Variants in RPS6 observed in about 807,000 individuals in gnomAD.
The protein encoded by RPS6 is ribosomal protein S6.
Under a neutral mutation model 27.1 loss-of-function variants are expected in RPS6, and 1 was observed. The ratio of observed to expected loss-of-function variants is 0.04; its 90% CI spans 0.01 to 0.18. The LOEUF is 0.18. RPS6 is among the 10% of genes least tolerant of loss of function. RPS6 has a pLI of 1.00. For missense variants in RPS6, 259 were observed against 319.1 expected (o/e 0.81, Z 1.44); for synonymous variants, 152 against 106.0 (o/e 1.43, Z -2.66).
Position 19,379,573 on chromosome 9 carries a change from C to T in RPS6, c.52G>A (p.Val18Met). 6.2e-7 allele frequency: 1 copy of T among 1,614,192 alleles called. No homozygotes were observed. Among genetic ancestry groups the T allele is most frequent in the East Asian group, 2.2e-5 (1 of 44,886 alleles). ...PATGCQKLIE[V>M]DDERKLRTFY... ...GTACGAAGTTTGCGTTCATCGTCCA[C>T]TTCAATGAGTTTCTGGCAGCCAGTG... Residue 18 changes from valine to methionine, a missense_variant, in exon 2 of 6, where the codon GTG becomes ATG. Transcript: ENST00000380394.
rs533298373 is a variant in RPS6, at chr9:19,375,782, T to G, written c.*511A>C. 18 of 152,744 alleles carry G rather than the reference T, an allele frequency of 1.2e-4. No individual in the cohort carries two copies. Among genetic ancestry groups the G allele is most frequent in the African/African-American group, 4.3e-4 (18 of 41,582 alleles). The allele number at this position is 152,744 out of a possible 1,614,324, so 9.5% of individuals were successfully genotyped here. ...GTGTGTGAACAGCCTAACAATTCAC[T>G]GGAGTTGAAAAGCTTTGTTAAAACA... On this transcript the variant is annotated 3_prime_UTR_variant, in exon 6 of 6. Coordinates refer to ENST00000380394, the MANE Select transcript of RPS6 (RefSeq NM_001010.3).
rs986828411 is a variant in RPS6, at chr9:19,375,925, ATTTTCATGTATTAAATTG to A, written c.*350_*367del. The A allele has an allele frequency of 8.9e-5, 14 of 157,086 alleles. No individual in the cohort carries two copies. Among genetic ancestry groups the A allele is most frequent in the East Asian group, 7.5e-4 (4 of 5,368 alleles). 9.7% of individuals were successfully genotyped at this position (157,086 alleles called of 1,614,324 possible). A position where few individuals can be genotyped will look rare whatever the true frequency, so the allele number is the denominator to read the frequency against. ...AGACATGTTCATCTTCACAAGGTCAATTTTCATGTATTAAATTGTGTATAGTGCTTTAAAGAGCTATAT... is the reference window on the plus strand; with the variant it reads ...AGACATGTTCATCTTCACAAGGTCAATGTATAGTGCTTTAAAGAGCTATAT... On this transcript the variant is annotated 3_prime_UTR_variant, in exon 6 of 6. Coordinates refer to ENST00000380394, the MANE Select transcript of RPS6 (RefSeq NM_001010.3).
chr9:19,379,814 C>A, intron 1 of RPS6, 196 bp from the exon 2 acceptor site: 1 of 1,430,288 alleles, frequency 7.0e-7, no homozygotes, highest in Non-Finnish European at 9.1e-7. Flanking sequence ...CTCAGCAGGA[C>A]GTTTTCCCCT....
intron 2 of RPS6, chr9:19,379,232 C>A: frequency 7.6e-7 from 1 of 1,310,600 alleles, no homozygotes. Context: ...ATTATGAGGA[C>A]AGCTATGTGA....
In RPS6 at chr9:19,378,440, G is replaced by T. The variant is rs368574272; in HGVS notation, c.424C>A (p.Arg142Ser). 1 of 1,613,866 alleles carries T rather than the reference G, an allele frequency of 6.2e-7. No individual in the cohort carries two copies. Among genetic ancestry groups the T allele is most frequent in the African/African-American group, 1.3e-5 (1 of 74,892 alleles). The change falls in exon 4 of 6, where the codon CGC becomes AGC. Residue 142 changes from arginine to serine, a missense_variant. This residue lies in a region of RPS6 where 191 missense variants were observed against 231.6 expected (regional missense o/e 0.82). Coordinates refer to ENST00000380394, the MANE Select transcript of RPS6 (RefSeq NM_001010.3). ...RLGPKRASRI[R>S]KLFNLSKEDD... ...TCTTTAGAGAGATTGAAAAGTTTGC[G>T]GATTCTGCTAGCTCTTTTGGGGCCC...
At chr9:19,380,023 C>G in intron 1 of RPS6, 167 bp downstream of exon 1, 1 of 1,523,758 alleles carries the variant, frequency 6.6e-7, no homozygotes, top group Admixed American at 2.2e-5. Context: ...GCCTGCCATC[C>G]GTTCGGCCAA....
chr9:19,380,183 C>A lies in RPS6; in HGVS notation c.6+7G>T. ...AACCCAGTCTAACACTCGCCACCAT[C>A]ACCTACCTTCATCTTGAAGCAGCTG... On this transcript the variant is annotated splice_region_variant and intron_variant, in intron 1 of 5. Transcript: ENST00000380394. 1.2e-6 allele frequency: 2 copies of A among 1,614,164 alleles called. No homozygotes were observed. Among genetic ancestry groups the A allele is most frequent in the Non-Finnish European group, 1.7e-6 (2 of 1,180,022 alleles).
At chr9:19,378,598 T>A (rs916943086) in intron 3 of RPS6, 84 bp from the exon 4 acceptor site, 7 of 1,577,432 alleles carry the variant, frequency 4.4e-6, no homozygotes, top group Non-Finnish European at 6.1e-6. Flanking sequence ...GAATTGATGG[T>A]AGAGAAACAA....
intron 2 of RPS6, 72 bp from the exon 3 acceptor site, chr9:19,378,990 T>A: frequency 7.2e-7 from 1 of 1,395,038 alleles, no homozygotes. Context: ...GATTGTGACC[T>A]CTGTGAACAC....
chr9:19,379,735 G>T, intron 1 of RPS6, 117 bp from the exon 2 acceptor site: 1 of 1,506,554 alleles, frequency 6.6e-7, no homozygotes, highest in Non-Finnish European at 8.8e-7. Context: ...ACACAAGCAG[G>T]AAATATAAGA....
chr9:19,379,341 C>T (rs1219688572), intron 2 of RPS6, 146 bp downstream of exon 2: 15 of 1,541,606 alleles, frequency 9.7e-6, no homozygotes, highest in East Asian at 2.4e-5. Flanking sequence ...AAGGTAATAC[C>T]TCTAACTTTA....
At position 19,376,080 on chromosome 9, in the gene RPS6, C is replaced by T. The variant is rs1829577634; in HGVS notation, c.*213G>A. The T allele has an allele frequency of 2.1e-6, 1 of 465,132 alleles. No individual in the cohort carries two copies. The highest frequency in any genetic ancestry group is 3.8e-6 in the Non-Finnish European group (1 of 262,832). 28.8% of individuals were successfully genotyped at this position (465,132 alleles called of 1,614,324 possible). ...ATGCTCAGAATCCCTTCCTGTGCCACCCATCCCCTGAAAGGAACCCCTGTA... is the reference window on the plus strand; with the variant it reads ...ATGCTCAGAATCCCTTCCTGTGCCATCCATCCCCTGAAAGGAACCCCTGTA... On this transcript the variant is annotated 3_prime_UTR_variant, in exon 6 of 6. Coordinates refer to ENST00000380394, the MANE Select transcript of RPS6 (RefSeq NM_001010.3).
At position 19,380,221 on chromosome 9, in the gene RPS6, G is replaced by C. The variant is rs144218100; in HGVS notation, c.-26C>G. 1.9e-6 allele frequency: 3 copies of C among 1,613,070 alleles called. No individual in the cohort carries two copies. Among genetic ancestry groups the C allele is most frequent in the Non-Finnish European group, 2.5e-6 (3 of 1,179,164 alleles). ...CTTGAAGCAGCTGAACGCCTCCGAGGCGCCACGGAAAAGAGGGCCAACTTC... is the reference window on the plus strand; with the variant it reads ...CTTGAAGCAGCTGAACGCCTCCGAGCCGCCACGGAAAAGAGGGCCAACTTC... On this transcript the variant is annotated 5_prime_UTR_variant, in exon 1 of 6. Coordinates refer to ENST00000380394, the MANE Select transcript of RPS6 (RefSeq NM_001010.3).
At chr9:19,379,980 C>T in intron 1 of RPS6, 1 of 1,449,308 alleles carries the variant, frequency 6.9e-7, no homozygotes, top group East Asian at 2.5e-5. Flanking sequence ...GCCACCATGG[C>T]GCTCCCGGCC....
chr9:19,376,277 T>C lies in RPS6; in HGVS notation c.*16A>G. 3.1e-6 allele frequency: 5 copies of C among 1,593,540 alleles called. No homozygotes were observed. Among genetic ancestry groups the C allele is most frequent in the Non-Finnish European group, 4.3e-6 (5 of 1,165,816 alleles). The stretch of plus-strand genomic sequence containing the variant: ...AGATCAGAGTCTGATCTTATTTATT[T>C]GTTACTCAAAAAATCTTATTTCTGA... On this transcript the variant is annotated 3_prime_UTR_variant, in exon 6 of 6. Coordinates refer to ENST00000380394, the MANE Select transcript of RPS6 (RefSeq NM_001010.3).
At chr9:19,378,316 G>C (rs770838598) in intron 4 of RPS6, 52 bp downstream of exon 4, 2 of 1,568,002 alleles carry the variant, frequency 1.3e-6, no homozygotes, top group Non-Finnish European at 1.8e-6. Flanking sequence ...CACACAAAAT[G>C]ATAGACAAAT....
chr9:19,378,131 T>A (rs924311834), intron 4 of RPS6, among the ~76,000 whole-genome samples: 1 of 152,210 alleles, frequency 6.6e-6, no homozygotes, highest in African/African-American at 2.4e-5. Context: ...AATGTATACA[T>A]CAAAGATTCA....
intron 4 of RPS6, 138 bp downstream of exon 4, chr9:19,378,230 C>A (rs1008729808): frequency 6.2e-6 from 5 of 801,166 alleles, no homozygotes; most frequent in Admixed American, 2.8e-5. Context: ...GCTGGCCACC[C>A]CCAAATATTT....
Position 19,376,260 on chromosome 9 carries a change from G to C in RPS6, c.*33C>G, listed in dbSNP as rs67906804. The C allele has an allele frequency of 0.099, 150,273 of 1,515,784 alleles. 9,701 individuals are homozygous for C. The highest frequency in any genetic ancestry group is 0.28 in the African/African-American group (20,522 of 72,548). The allele number at this position is 1,515,784 out of a possible 1,614,324, so 93.9% of individuals were successfully genotyped here. A position where few individuals can be genotyped will look rare whatever the true frequency, so the allele number is the denominator to read the frequency against. On this transcript the variant is annotated 3_prime_UTR_variant, in exon 6 of 6. Coordinates refer to ENST00000380394, the MANE Select transcript of RPS6 (RefSeq NM_001010.3). ...CAATGAAAAGTCAACAGAGATCAGAGTCTGATCTTATTTATTTGTTACTCA... is the reference window on the plus strand; with the variant it reads ...CAATGAAAAGTCAACAGAGATCAGACTCTGATCTTATTTATTTGTTACTCA...
Sources: gnomAD v4.1 joint callset for allele counts (sites outside exome capture counted in the v4.1 genomes callset) on GRCh38, gnomAD v4.1.1 for gene constraint, gnomAD v4.1.1 regional missense constraint, MANE v1.5 for transcripts, NCBI Gene and HGNC (gene_info 2026-07-23, HGNC 2026-07-21) for gene names.